MTA3: variants seen among roughly 807,000 people sequenced by gnomAD.
MTA3 encodes metastasis-associated protein MTA3.
Under a neutral mutation model 83.5 loss-of-function variants are expected in MTA3, and 34 were observed. The ratio of observed to expected loss-of-function variants is 0.41; its 90% CI spans 0.31 to 0.54. MTA3 has a LOEUF of 0.54. Among genes scored for constraint, MTA3 ranks in the 20% least tolerant of loss-of-function variants. MTA3 has a pLI of 0.33. For missense variants in MTA3, 761 were observed against 726.4 expected (o/e 1.05, Z -0.55); for synonymous variants, 303 against 252.7 (o/e 1.20, Z -1.89).
intron 2 of MTA3, among the ~76,000 whole-genome samples, chr2:42,553,278 G>A (rs938306826): frequency 2.0e-5 from 3 of 151,784 alleles, no homozygotes; most frequent in African/African-American, 7.3e-5. Context: ...CAAAAAATTC[G>A]CCGGGCATGG....
rs1354378517 is a variant in MTA3, at chr2:42,722,885, T to A, written c.1613-4T>A. On this transcript the variant is annotated splice_region_variant and splice_polypyrimidine_tract_variant and intron_variant, in intron 15 of 16. Transcript: ENST00000405094. Reference sequence around the variant, plus strand: ...GAATTGAGAAACCTTTTTTCCCCCATCAGAGATCCATCCTGCAAAGAAACC... The same window carrying A: ...GAATTGAGAAACCTTTTTTCCCCCAACAGAGATCCATCCTGCAAAGAAACC... 6.4e-7 allele frequency: 1 copy of A among 1,550,970 alleles called. No homozygotes were observed. Among genetic ancestry groups the A allele is most frequent in the Non-Finnish European group, 8.7e-7 (1 of 1,147,022 alleles).
intron 3 of MTA3, 37 bp downstream of exon 3, chr2:42,579,237 G>A (rs750081960): frequency 3.4e-6 from 5 of 1,468,814 alleles, no homozygotes; most frequent in African/African-American, 1.4e-5. Context: ...AACGTTTTAA[G>A]TCTTGTGTTT....
chr2:42,678,276 C>G (rs1691561649), intron 8 of MTA3, among the ~76,000 whole-genome samples: 1 of 152,074 alleles, frequency 6.6e-6, no homozygotes. Flanking sequence ...ATGATTATAA[C>G]TCGGAAATTG....
At chr2:42,504,471 C>G (rs1674541006) in intron 2 of MTA3, among the ~76,000 whole-genome samples, 2 of 152,246 alleles carry the variant, frequency 1.3e-5, no homozygotes, top group South Asian at 2.1e-4. Context: ...AAACTCCTGA[C>G]CTCAGGTGAT....
chr2:42,727,069 A>C (rs926817407), intron 16 of MTA3, among the ~76,000 whole-genome samples: 4 of 152,148 alleles, frequency 2.6e-5, no homozygotes, highest in Non-Finnish European at 4.4e-5. Flanking sequence ...AGTGGCATGC[A>C]CCCACAGTTC....
chr2:42,540,571 A>C (rs902170014), intron 2 of MTA3, among the ~76,000 whole-genome samples: 2 of 152,042 alleles, frequency 1.3e-5, no homozygotes, highest in Admixed American at 6.6e-5. Flanking sequence ...ACAGTAGCTC[A>C]CACCTCTAAT....
At chr2:42,522,023 G>A (rs1401299937) in intron 2 of MTA3, among the ~76,000 whole-genome samples, 1 of 152,036 alleles carries the variant, frequency 6.6e-6, no homozygotes, top group Non-Finnish European at 1.5e-5. Context: ...CAAAGTGCTG[G>A]GATTATAGGC....
chr2:42,726,911 TA>T (rs1667864903), intron 16 of MTA3, among the ~76,000 whole-genome samples: 1 of 152,042 alleles, frequency 6.6e-6, no homozygotes, highest in East Asian at 1.9e-4. Context: ...GATGTATACA[TA>T]GGGGGAGTGG....
At chr2:42,615,362 AT>A (rs1034047126) in intron 4 of MTA3, among the ~76,000 whole-genome samples, 2 of 142,232 alleles carry the variant, frequency 1.4e-5, no homozygotes, top group African/African-American at 2.6e-5. Flanking sequence ...TTTATTTTTT[AT>A]TTTTTTTGAT....
At chr2:42,551,823 G>T (rs554254535) in intron 2 of MTA3, among the ~76,000 whole-genome samples, 2 of 151,966 alleles carry the variant, frequency 1.3e-5, no homozygotes, top group Non-Finnish European at 2.9e-5. Context: ...CGCCTCCTGG[G>T]TTGAAGCAAT....
At chr2:42,577,105 A>AAATATAT (rs1211189566) in intron 2 of MTA3, among the ~76,000 whole-genome samples, 14 of 86,918 alleles carry the variant, frequency 1.6e-4, no homozygotes, top group African/African-American at 7.1e-4. Context: ...AAAAAAAAAA[A>AAATATAT]ATATATATAT....
chr2:42,519,270 A>T (rs1212972448), intron 2 of MTA3, among the ~76,000 whole-genome samples: 2 of 152,102 alleles, frequency 1.3e-5, no homozygotes, highest in Non-Finnish European at 2.9e-5. Flanking sequence ...ATTCTACAAA[A>T]TACTTGATCA....
At chr2:42,670,630 G>T (rs1430476631) in intron 8 of MTA3, among the ~76,000 whole-genome samples, 3 of 151,982 alleles carry the variant, frequency 2.0e-5, no homozygotes, top group Non-Finnish European at 4.4e-5. Context: ...GGCCCCTTCT[G>T]ATTGGTTGCT....
intron 3 of MTA3, among the ~76,000 whole-genome samples, chr2:42,606,962 G>A (rs544137175): frequency 4.6e-5 from 7 of 150,568 alleles, no homozygotes; most frequent in Admixed American, 3.3e-4. Flanking sequence ...GCAGGCATTC[G>A]GCAGACTGAG....
Position 42,559,658 on chromosome 2 carries a change from C to T in MTA3, c.-140-10779C>T, listed in dbSNP as rs1473292440. Among the ~76,000 whole-genome samples the T allele has an allele frequency of 2.6e-5, 4 of 152,014 alleles. No individual in the cohort carries two copies. In the East Asian group the frequency reaches 7.7e-4, roughly 29 times the overall value. On this transcript the variant is annotated intron_variant, in intron 2 of 17. Coordinates refer to the MTA3 transcript ENST00000405592. ...CTTTGGGAGGCTAAGGCAGGTGGAT[C>T]ACCTGAGGTCGGGAGTTCGAGACCA...
intron 4 of MTA3, among the ~76,000 whole-genome samples, chr2:42,636,768 AG>A (rs1048576915): frequency 1.3e-5 from 2 of 151,534 alleles, no homozygotes; most frequent in African/African-American, 4.8e-5. Flanking sequence ...CTGGGACTAC[AG>A]GCGTGTGCTA....
chr2:42,636,283 A>G (rs556753529), intron 4 of MTA3, among the ~76,000 whole-genome samples: 1 of 152,250 alleles, frequency 6.6e-6, no homozygotes, highest in African/African-American at 2.4e-5. Flanking sequence ...GCTCATGTCT[A>G]TAATCCCAGC....
At chr2:42,658,950 T>C (rs999699191) in intron 7 of MTA3, among the ~76,000 whole-genome samples, 2 of 128,394 alleles carry the variant, frequency 1.6e-5, no homozygotes, top group Non-Finnish European at 3.3e-5. Flanking sequence ...AAAAAAAAAA[T>C]AGCTGGGCGT....
chr2:42,584,919 G>A (rs796494600), intron 3 of MTA3, among the ~76,000 whole-genome samples: 9 of 151,680 alleles, frequency 5.9e-5, no homozygotes, highest in African/African-American at 1.7e-4. Context: ...TAGAAAGTAA[G>A]TCCAGAAGCC....
Sources: gnomAD v4.1 joint callset for allele counts (sites outside exome capture counted in the v4.1 genomes callset) on GRCh38, gnomAD v4.1.1 for gene constraint, MANE v1.5 for transcripts, NCBI Gene and HGNC (gene_info 2026-07-23, HGNC 2026-07-21) for gene names.